Variants in GLTP observed in about 807,000 individuals in gnomAD.
GLTP encodes glycolipid transfer protein.
GLTP carries 22 observed loss-of-function variants against 24.0 expected under a neutral mutation model. The ratio of observed to expected loss-of-function variants is 0.92; its 90% confidence interval spans 0.65 to 1.31. The LOEUF is 1.31. Among genes scored for constraint, GLTP ranks in the 50% most tolerant of loss-of-function variants. The pLI is 0.00. For synonymous variants in GLTP, 92 were observed against 115.9 expected, an observed-to-expected ratio of 0.79 and a Z score of 1.33; for missense variants, 224 against 276.6, an observed-to-expected ratio of 0.81 and a Z score of 1.35.
chr12:109,858,581 TGG>T (rs1467516708), intron 2 of GLTP, 100 bp downstream of exon 2: 2 of 836,174 alleles, frequency 2.4e-6, no homozygotes, highest in Non-Finnish European at 4.2e-6. Context: ...TTCCCTTCCT[TGG>T]GGTGGGAAGC....
At chr12:109,856,226 C>T (rs1408542033) in intron 3 of GLTP, among the ~76,000 whole-genome samples, 1 of 152,232 alleles carries the variant, frequency 6.6e-6, no homozygotes, top group African/African-American at 2.4e-5. Context: ...CCTCCACTCC[C>T]CAGCCCTCAG....
chr12:109,868,086 C>T (rs553290733), intron 1 of GLTP, among the ~76,000 whole-genome samples: 437 of 152,298 alleles, frequency 2.9e-3, no homozygotes, highest in Non-Finnish European at 3.6e-3. Context: ...CTCACTGCAG[C>T]TTTGACCTCC....
chr12:109,860,890 T>G lies in GLTP; in HGVS notation c.104-2149A>C, dbSNP rs187781365. On this transcript the variant is annotated intron_variant, in intron 1 of 4. Transcript: ENST00000318348. ...CCCTTACATGCAGGAAGTATGCAGG[T>G]TCTTTACTGAGCAGGCTAGATGTGG... Among the ~76,000 whole-genome samples, 11 of 152,264 alleles carry G rather than the reference T, an allele frequency of 7.2e-5. No homozygotes were observed. The East Asian group carries it at 2.1e-3, about 29-fold the overall frequency.
chr12:109,865,099 G>A (rs1868483374), intron 1 of GLTP, among the ~76,000 whole-genome samples: 1 of 152,176 alleles, frequency 6.6e-6, no homozygotes, highest in East Asian at 1.9e-4. Context: ...CTTTCCTACA[G>A]AATGCAGCCT....
chr12:109,852,476 G>A lies in GLTP; in HGVS notation c.*79C>T, dbSNP rs1353194815. The A allele has an allele frequency of 2.5e-5, 23 of 934,012 alleles. No individual in the cohort carries two copies. In the East Asian group the frequency reaches 4.9e-4, roughly 20 times the overall value. 57.9% of individuals were successfully genotyped at this position (934,012 alleles called of 1,614,324 possible). A position where few individuals can be genotyped will look rare whatever the true frequency, so the allele number is the denominator to read the frequency against. On this transcript the variant is annotated 3_prime_UTR_variant, in exon 5 of 5. Coordinates refer to ENST00000318348, the MANE Select transcript of GLTP (RefSeq NM_016433.4). ...GGACACAGGCCAGGGGCAGTTCACC[G>A]ACTTGATTCACAGTGATTCTGGTTT...
Position 109,855,094 on chromosome 12 carries a change from CTGG to C in GLTP, c.447+522_447+524del, listed in dbSNP as rs1359555170. 1.3e-5 allele frequency among the ~76,000 whole-genome samples: 2 copies of C among 152,222 alleles called. No homozygotes were observed. The highest frequency in any genetic ancestry group is 4.8e-5 in the African/African-American group (2 of 41,456). ...AAGTCTCCTGAGCAGGGCTGTCCGC[CTGG>C]TGATCAACTGTAGGGCCCTCACCTA... On this transcript the variant is annotated intron_variant, in intron 4 of 4. Coordinates refer to ENST00000318348, the MANE Select transcript of GLTP (RefSeq NM_016433.4). This position sits in a 1 kb window ranked among gnomAD's most constrained non-coding sequence, Gnocchi z 4.1.
At chr12:109,854,300 C>T (rs947338790) in intron 4 of GLTP, among the ~76,000 whole-genome samples, 8 of 137,516 alleles carry the variant, frequency 5.8e-5, no homozygotes, top group African/African-American at 1.1e-4. Flanking sequence ...GTGGAGGTTG[C>T]GGTAAGCTAA....
intron 4 of GLTP, among the ~76,000 whole-genome samples, chr12:109,854,034 C>T (rs148941856): frequency 0.016 from 2,494 of 151,384 alleles, 38 homozygotes; most frequent in South Asian, 0.054. Flanking sequence ...CATGAGCCAC[C>T]GCGCCTGGCC....
chr12:109,861,289 C>A (rs1002625232), intron 1 of GLTP, among the ~76,000 whole-genome samples: 2 of 152,278 alleles, frequency 1.3e-5, no homozygotes, highest in Middle Eastern at 3.4e-3. Context: ...CAGCCCATAG[C>A]CCAATGGAAA....
chr12:109,860,634 C>T (rs1892859318), intron 1 of GLTP, among the ~76,000 whole-genome samples: 2 of 152,230 alleles, frequency 1.3e-5, no homozygotes, highest in South Asian at 4.1e-4. Flanking sequence ...TACACCATCA[C>T]ACCCAGTAGA....
intron 1 of GLTP, among the ~76,000 whole-genome samples, chr12:109,877,882 T>TC (rs139310916): frequency 5.9e-5 from 9 of 152,216 alleles, no homozygotes; most frequent in Non-Finnish European, 1.2e-4. Flanking sequence ...GCAATTCTCC[T>TC]CCCCCCACAG....
At chr12:109,853,250 G>A (rs1170920179) in intron 4 of GLTP, among the ~76,000 whole-genome samples, 2 of 152,086 alleles carry the variant, frequency 1.3e-5, no homozygotes, top group African/African-American at 2.4e-5. Context: ...TTGGGGAGAC[G>A]ACTGCTAAAT....
At position 109,875,996 on chromosome 12, in the gene GLTP, C is replaced by T. The variant is rs77028715; in HGVS notation, c.103+4276G>A. 5.3e-5 allele frequency among the ~76,000 whole-genome samples: 8 copies of T among 152,336 alleles called. No homozygotes were observed. The South Asian group carries it at 6.2e-4, about 12-fold the overall frequency. ...GTCTACCAGAGCCCGACATAAGAAGCAATGTGAATGTCCAACAGTAGGGGC... is the reference window on the plus strand; with the variant it reads ...GTCTACCAGAGCCCGACATAAGAAGTAATGTGAATGTCCAACAGTAGGGGC... On this transcript the variant is annotated intron_variant, in intron 1 of 4. Coordinates refer to ENST00000318348, the MANE Select transcript of GLTP (RefSeq NM_016433.4).
chr12:109,861,349 A>G (rs1016322684), intron 1 of GLTP, among the ~76,000 whole-genome samples: 1 of 152,002 alleles, frequency 6.6e-6, no homozygotes, highest in African/African-American at 2.4e-5. Flanking sequence ...CTGCACGACC[A>G]CTCCCCAGCC....
intron 1 of GLTP, among the ~76,000 whole-genome samples, chr12:109,867,776 CTCTT>C (rs898120055): frequency 2.3e-5 from 3 of 130,442 alleles, no homozygotes; most frequent in Non-Finnish European, 4.8e-5. Context: ...TTTTTCTTTT[CTCTT>C]TTTTTTTTTT....
chr12:109,879,726 G>T lies in GLTP; in HGVS notation c.103+546C>A, dbSNP rs533681003. 2.6e-5 allele frequency among the ~76,000 whole-genome samples: 4 copies of T among 152,280 alleles called. No individual in the cohort carries two copies. The South Asian group carries it at 8.3e-4, about 32-fold the overall frequency. Reference sequence around the variant, plus strand: ...ACCAGGCTTCCTACCCTTGGAGGGGGAGATGGGAGTCTTTGATCTGGAATG... The same window carrying T: ...ACCAGGCTTCCTACCCTTGGAGGGGTAGATGGGAGTCTTTGATCTGGAATG... On this transcript the variant is annotated intron_variant, in intron 1 of 4. Transcript: ENST00000318348.
chr12:109,869,303 CAAAAAAAAAA>C (rs140914540), intron 1 of GLTP, among the ~76,000 whole-genome samples: 10 of 49,034 alleles, frequency 2.0e-4, no homozygotes, highest in African/African-American at 8.4e-4. Context: ...GGCTCTACCT[CAAAAAAAAAA>C]AAAAAAAGAA....
At chr12:109,876,693 G>A (rs1868894838) in intron 1 of GLTP, among the ~76,000 whole-genome samples, 1 of 151,776 alleles carries the variant, frequency 6.6e-6, no homozygotes, top group Admixed American at 6.6e-5. Flanking sequence ...AAGGAAGAAA[G>A]AAAAGGAAAG....
chr12:109,879,771 A>C (rs1326801483), intron 1 of GLTP, among the ~76,000 whole-genome samples: 1 of 152,114 alleles, frequency 6.6e-6, no homozygotes, highest in Non-Finnish European at 1.5e-5. Context: ...TGAGGGAAGA[A>C]GGAAGGGTTT....
Sources: allele counts gnomAD v4.1 joint callset (sites outside exome capture counted in the v4.1 genomes callset), GRCh38; gene constraint gnomAD v4.1.1; non-coding constraint Gnocchi (gnomAD v3.1); transcripts MANE v1.5; gene names NCBI Gene and HGNC (gene_info 2026-07-23, HGNC 2026-07-21).